DEPDC5: variants seen among roughly 807,000 people sequenced by gnomAD.
DEPDC5 encodes the protein GATOR1 complex protein DEPDC5.
A neutral mutation model predicts 217.3 loss-of-function variants in DEPDC5; 73 were observed. That is an observed-to-expected ratio of 0.34 (90% confidence interval 0.28 to 0.41). The LOEUF is 0.41. DEPDC5 is among the 10% of genes least tolerant of loss of function. The pLI is 1.00. For missense variants in DEPDC5, 1,675 were observed against 2,070.1 expected, an observed-to-expected ratio of 0.81 and a Z score of 3.70; for synonymous variants, 733 against 756.7, an observed-to-expected ratio of 0.97 and a Z score of 0.51.
chr22:31,870,485 T>A, intron 33 of DEPDC5, 105 bp from the exon 34 acceptor site: 1 of 1,255,816 alleles, frequency 8.0e-7, no homozygotes, highest in Non-Finnish European at 1.0e-6. Flanking sequence ...TTTTTGTTTA[T>A]TTTTTGTGAA....
intron 14 of DEPDC5, among the ~76,000 whole-genome samples, chr22:31,799,733 C>G (rs2148601364): frequency 6.6e-6 from 1 of 150,892 alleles, no homozygotes; most frequent in South Asian, 2.1e-4. Flanking sequence ...AGCTCCTGAC[C>G]TCGTGATCCA....
intron 22 of DEPDC5, 33 bp from the exon 23 acceptor site, chr22:31,821,469 G>A (rs1277018650): frequency 6.2e-7 from 1 of 1,611,384 alleles, no homozygotes; most frequent in Non-Finnish European, 8.5e-7. Flanking sequence ...CTATCAGGTG[G>A]GAATGATGCT....
chr22:31,766,585 G>A lies in DEPDC5; in HGVS notation c.280G>A (p.Asp94Asn). 6.2e-7 allele frequency: 1 copy of A among 1,613,612 alleles called. No individual in the cohort carries two copies. The highest frequency in any genetic ancestry group is 8.5e-7 in the Non-Finnish European group (1 of 1,179,754). Residue 94 changes from aspartate to asparagine, a missense_variant and splice_region_variant, in exon 6 of 43, where the codon GAT becomes AAT. Transcript: ENST00000651528. ...DVYVNVVDPK[D>N]VTLDLVELTF... is the part of the protein sequence containing the mutation. ...GATATCATTTGATTATTCCTTTTAGGATGTGACCCTTGACCTAGTGGAATT... is the reference window on the plus strand; with the variant it reads ...GATATCATTTGATTATTCCTTTTAGAATGTGACCCTTGACCTAGTGGAATT...
At chr22:31,808,573 T>C (rs925887534) in intron 18 of DEPDC5, among the ~76,000 whole-genome samples, 3 of 152,202 alleles carry the variant, frequency 2.0e-5, no homozygotes, top group African/African-American at 7.2e-5. Context: ...AAGCTGGGAT[T>C]ACAGGTGCCT....
Position 31,815,343 on chromosome 22 carries a change from GTACAAATCACTTTAGCTGT to G in DEPDC5, c.1666+134_1666+152del, listed in dbSNP as rs1461293780. ...AATGATTTCTTTGCCAGTGCAGTAG[GTACAAATCACTTTAGCTGT>G]TAGCTATGTATATATTATACTTCTT... On this transcript the variant is annotated intron_variant, in intron 21 of 42. Transcript: ENST00000651528. The G allele has an allele frequency of 3.3e-6, 3 of 897,216 alleles. No homozygotes were observed. In the African/African-American group the frequency reaches 5.1e-5, roughly 15 times the overall value. The allele number at this position is 897,216 out of a possible 1,614,324, so 55.6% of individuals were successfully genotyped here. A position where few individuals can be genotyped will look rare whatever the true frequency, so the allele number is the denominator to read the frequency against.
intron 32 of DEPDC5, chr22:31,858,189 T>TAA (rs2092377097): frequency 6.6e-6 from 1 of 152,268 alleles, no homozygotes; most frequent in African/African-American, 2.4e-5. Context: ...AGAAAGCTAC[T>TAA]GAAGTAGCTT....
chr22:31,789,471 A>G (rs2085388464), intron 10 of DEPDC5, among the ~76,000 whole-genome samples: 1 of 152,166 alleles, frequency 6.6e-6, no homozygotes, highest in Non-Finnish European at 1.5e-5. Flanking sequence ...GTTGCCAGGG[A>G]CTGAGGGTGG....
At chr22:31,864,365 C>T (rs1157189233) in intron 33 of DEPDC5, among the ~76,000 whole-genome samples, 3 of 151,492 alleles carry the variant, frequency 2.0e-5, no homozygotes, top group African/African-American at 7.3e-5. Context: ...CTCAGCCTCC[C>T]AAAGTGCTGG....
intron 13 of DEPDC5, among the ~76,000 whole-genome samples, chr22:31,798,302 G>A (rs564661348): frequency 2.6e-5 from 4 of 152,188 alleles, no homozygotes; most frequent in Non-Finnish European, 5.9e-5. Context: ...GGCGGATCAC[G>A]AGGTCAGGAG....
At chr22:31,852,377 G>A (rs1006308496) in intron 31 of DEPDC5, among the ~76,000 whole-genome samples, 1 of 96,718 alleles carries the variant, frequency 1.0e-5, no homozygotes, top group Non-Finnish European at 2.0e-5. Context: ...TTTCGCTCTT[G>A]TTGCCTAGGC....
Position 31,760,637 on chromosome 22 carries a change from T to C in DEPDC5, c.147-19T>C. 6.2e-7 allele frequency: 1 copy of C among 1,611,214 alleles called. No individual in the cohort carries two copies. The highest frequency in any genetic ancestry group is 8.5e-7 in the Non-Finnish European group (1 of 1,178,876). On this transcript the variant is annotated intron_variant, in intron 3 of 42. Coordinates refer to ENST00000651528, the MANE Select transcript of DEPDC5 (RefSeq NM_001242896.3). ...TACTGTTCACGGTATCCCAACTCTC[T>C]TGTTGCTTTCTTTTTCAGCCCTCTG...
rs543593303 is a variant in DEPDC5, at chr22:31,846,714, C to T, written c.3022-120C>T. The T allele has an allele frequency of 4.6e-5, 66 of 1,419,818 alleles. 2 individuals carry two copies. In the South Asian group the frequency reaches 7.9e-4, roughly 17 times the overall value. 88.0% of individuals were successfully genotyped at this position (1,419,818 alleles called of 1,614,324 possible). ...TTACTGAACACTGAGAACCTGTGTTCCTTGACCCTGTCCATGGGATTCCCG... is the reference window on the plus strand; with the variant it reads ...TTACTGAACACTGAGAACCTGTGTTTCTTGACCCTGTCCATGGGATTCCCG... On this transcript the variant is annotated intron_variant, in intron 30 of 42. Transcript: ENST00000651528.
chr22:31,902,305 A>G (rs1374647912), intron 41 of DEPDC5, among the ~76,000 whole-genome samples: 1 of 151,594 alleles, frequency 6.6e-6, no homozygotes, highest in African/African-American at 2.4e-5. Flanking sequence ...CCAGCCTGGT[A>G]TCTGATGGCC....
chr22:31,837,384 T>C, intron 26 of DEPDC5: 1 of 568,522 alleles, frequency 1.8e-6, no homozygotes, highest in South Asian at 2.5e-5. Context: ...AGGGTCTCAC[T>C]CTGTCGCTCG....
In DEPDC5 at chr22:31,877,953, C is replaced by T. The variant is rs564297897; in HGVS notation, c.3806-1572C>T. Among the ~76,000 whole-genome samples the T allele has an allele frequency of 5.9e-5, 9 of 151,964 alleles. No individual in the cohort carries two copies. In the South Asian group the frequency reaches 6.2e-4, roughly 11 times the overall value. On this transcript the variant is annotated intron_variant, in intron 37 of 42. Coordinates refer to ENST00000651528, the MANE Select transcript of DEPDC5 (RefSeq NM_001242896.3). The stretch of plus-strand genomic sequence containing the variant: ...CTGTAATCTCAGCACTTTGGGAGGC[C>T]GAGGTGGGTGGATCATGAGGTCAAG...
chr22:31,884,475 C>T (rs1054060884), intron 38 of DEPDC5, among the ~76,000 whole-genome samples: 1 of 152,234 alleles, frequency 6.6e-6, no homozygotes, highest in Admixed American at 6.5e-5. Flanking sequence ...CCTGGTCCTC[C>T]TTGCCCTGCA....
At chr22:31,773,963 C>T (rs987142302) in intron 7 of DEPDC5, among the ~76,000 whole-genome samples, 4 of 151,756 alleles carry the variant, frequency 2.6e-5, no homozygotes, top group South Asian at 2.1e-4. Context: ...CCCAGCTACT[C>T]GGGAGGCTGA....
At chr22:31,860,302 A>G (rs1287289516) in intron 32 of DEPDC5, among the ~76,000 whole-genome samples, 1 of 152,202 alleles carries the variant, frequency 6.6e-6, no homozygotes, top group Non-Finnish European at 1.5e-5. Context: ...CGCAGCCACA[A>G]GTTTCCAAGG....
chr22:31,784,925 C>A, intron 10 of DEPDC5, 50 bp downstream of exon 10: 1 of 1,531,894 alleles, frequency 6.5e-7, no homozygotes, highest in South Asian at 1.2e-5. Flanking sequence ...ATTACTCAAT[C>A]AGATTTTTAA....
Sources: allele counts gnomAD v4.1 joint callset (sites outside exome capture counted in the v4.1 genomes callset), GRCh38; gene constraint gnomAD v4.1.1; transcripts MANE v1.5; gene names NCBI Gene and HGNC (gene_info 2026-07-23, HGNC 2026-07-21).